The following NPAS3 variants were observed in gnomAD, a reference collection of about 807,000 sequenced individuals.
NPAS3 encodes the protein neuronal PAS domain protein 3.
In NPAS3, 14 loss-of-function variants were observed where a neutral mutation model predicts 73.1. The observed-to-expected ratio is 0.19, with a 90% CI of 0.13 to 0.30. NPAS3 has a LOEUF of 0.30. NPAS3 is among the 10% of genes least tolerant of loss of function. The pLI is 1.00. For missense variants in NPAS3, 1,096 were observed against 1,250.0 expected, an observed-to-expected ratio of 0.88 and a Z score of 1.86; for synonymous variants, 620 against 541.5, an observed-to-expected ratio of 1.14 and a Z score of -2.01.
intron 3 of NPAS3, among the ~76,000 whole-genome samples, chr14:33,224,829 A>G (rs988451902): frequency 1.3e-5 from 2 of 152,182 alleles, no homozygotes; most frequent in African/African-American, 4.8e-5. Context: ...TATGAAAAGA[A>G]TAATTCTATG....
chr14:33,465,228 A>G (rs917420174), intron 4 of NPAS3, among the ~76,000 whole-genome samples: 5 of 152,204 alleles, frequency 3.3e-5, no homozygotes, highest in Non-Finnish European at 7.3e-5. Context: ...CTCAATGAAT[A>G]TTATGAAATG....
chr14:33,167,158 A>G (rs2139352352), intron 2 of NPAS3, among the ~76,000 whole-genome samples: 1 of 152,334 alleles, frequency 6.6e-6, no homozygotes, highest in Admixed American at 6.5e-5. Context: ...AGAAACTTGT[A>G]TATAAAGTTC....
intron 4 of NPAS3, among the ~76,000 whole-genome samples, chr14:33,400,588 C>T (rs561305362): frequency 1.9e-3 from 293 of 152,176 alleles, no homozygotes; most frequent in African/African-American, 6.7e-3. Flanking sequence ...AAAATATAAA[C>T]AGTTCTAGGA....
At chr14:32,950,626 C>T (rs1360365777) in intron 1 of NPAS3, among the ~76,000 whole-genome samples, 2 of 152,016 alleles carry the variant, frequency 1.3e-5, no homozygotes, top group Non-Finnish European at 2.9e-5. Flanking sequence ...ACAATCTTAA[C>T]AAAAAGAAAT....
chr14:33,292,942 G>A (rs1005056851), intron 3 of NPAS3, among the ~76,000 whole-genome samples: 1 of 152,130 alleles, frequency 6.6e-6, no homozygotes. Flanking sequence ...TCAATGGGGA[G>A]GTATTCAAGT....
chr14:33,713,147 G>A (rs2060868506), intron 6 of NPAS3, among the ~76,000 whole-genome samples: 1 of 152,070 alleles, frequency 6.6e-6, no homozygotes, highest in African/African-American at 2.4e-5. Context: ...TCTACTATCT[G>A]CCAACAGAGA....
intron 4 of NPAS3, among the ~76,000 whole-genome samples, chr14:33,559,700 G>A (rs912750611): frequency 1.3e-4 from 20 of 152,160 alleles, no homozygotes; most frequent in African/African-American, 4.1e-4. Context: ...TAGGACTTTC[G>A]TTAAACATGG....
chr14:33,036,549 A>G (rs1292449684), intron 1 of NPAS3, among the ~76,000 whole-genome samples: 2 of 152,210 alleles, frequency 1.3e-5, no homozygotes, highest in Non-Finnish European at 2.9e-5. Flanking sequence ...GCCAGAATAA[A>G]GCACAGTATA....
chr14:33,458,795 T>C (rs2050129725), intron 4 of NPAS3, among the ~76,000 whole-genome samples: 1 of 152,208 alleles, frequency 6.6e-6, no homozygotes, highest in African/African-American at 2.4e-5. Context: ...GGCAGTTTGA[T>C]TAAATTTGAT....
At chr14:33,401,259 T>C (rs943345107) in intron 4 of NPAS3, among the ~76,000 whole-genome samples, 1 of 152,134 alleles carries the variant, frequency 6.6e-6, no homozygotes, top group Non-Finnish European at 1.5e-5. Flanking sequence ...GAAGAGAGTG[T>C]AGAATGGGGA....
chr14:33,156,479 C>A (rs17100268), intron 2 of NPAS3, among the ~76,000 whole-genome samples: 46,086 of 152,082 alleles, frequency 0.3, 7,681 homozygotes, highest in Middle Eastern at 0.52. Flanking sequence ...TAGATTGGTG[C>A]TACATATTCT....
intron 3 of NPAS3, among the ~76,000 whole-genome samples, chr14:33,365,065 G>C (rs766283038): frequency 1.3e-5 from 2 of 151,496 alleles, no homozygotes; most frequent in Non-Finnish European, 2.9e-5. Flanking sequence ...AGTCCCTGAA[G>C]TGCCCCCCCA....
chr14:33,601,594 G>A (rs1338387674), intron 5 of NPAS3, among the ~76,000 whole-genome samples: 2 of 152,176 alleles, frequency 1.3e-5, no homozygotes, highest in African/African-American at 4.8e-5. Context: ...AGCTCTTAAT[G>A]ACAGTCATCA....
At chr14:33,279,653 A>G (rs2041502054) in intron 3 of NPAS3, among the ~76,000 whole-genome samples, 1 of 152,154 alleles carries the variant, frequency 6.6e-6, no homozygotes, top group African/African-American at 2.4e-5. Context: ...TCACCCTGGA[A>G]TTTGGAAAGC....
In NPAS3 at chr14:33,373,529, A is replaced by T. The variant is rs567570695; in HGVS notation, c.468+6261A>T. ...TTGGATCATAAAAGTAAGTTTTGTG[A>T]GTTGGATAAGTATAATAAGTACCAA... On this transcript the variant is annotated intron_variant, in intron 4 of 11. Coordinates refer to ENST00000356141, the Ensembl canonical transcript of NPAS3. Among the ~76,000 whole-genome samples, 392 of 152,214 alleles carry T rather than the reference A, an allele frequency of 2.6e-3. 1 individual carries two copies. The highest frequency in any genetic ancestry group is 8.9e-3 in the African/African-American group (369 of 41,524).
At chr14:33,734,186 GT>G (rs1459290525) in intron 6 of NPAS3, among the ~76,000 whole-genome samples, 1 of 151,820 alleles carries the variant, frequency 6.6e-6, no homozygotes. Context: ...AAGAAATCCT[GT>G]TTCTTGGACA....
At chr14:33,222,066 G>T (rs1046258320) in intron 3 of NPAS3, among the ~76,000 whole-genome samples, 1 of 152,118 alleles carries the variant, frequency 6.6e-6, no homozygotes, top group Non-Finnish European at 1.5e-5. Flanking sequence ...GGACAAAAAA[G>T]GCATGATGTA....
intron 2 of NPAS3, among the ~76,000 whole-genome samples, chr14:33,138,372 G>T (rs1432398402): frequency 6.6e-6 from 1 of 152,018 alleles, no homozygotes; most frequent in African/African-American, 2.4e-5. Flanking sequence ...ATTAAATATA[G>T]TAGTCATACA....
At chr14:33,122,777 G>T (rs867040974) in intron 2 of NPAS3, among the ~76,000 whole-genome samples, 4 of 152,230 alleles carry the variant, frequency 2.6e-5, no homozygotes, top group Middle Eastern at 6.8e-3. Flanking sequence ...TGGTTAAGGG[G>T]TCAGCAGGAG....
Sources: gnomAD v4.1 joint callset for allele counts (sites outside exome capture counted in the v4.1 genomes callset) on GRCh38, gnomAD v4.1.1 for gene constraint, MANE v1.5 for transcripts, NCBI Gene and HGNC (gene_info 2026-07-23, HGNC 2026-07-21) for gene names.